The following PCDHGA8 variants were observed in gnomAD, a reference collection of about 807,000 sequenced individuals.
PCDHGA8 encodes protocadherin gamma-A8.
A neutral mutation model predicts 59.2 loss-of-function variants in PCDHGA8; 45 were observed. The ratio of observed to expected loss-of-function variants is 0.76; its 90% CI spans 0.60 to 0.98. The LOEUF is 0.98. Ranked by LOEUF, PCDHGA8 falls within the 50% of genes least tolerant of loss-of-function variation. The pLI, the probability that PCDHGA8 is intolerant of heterozygous loss-of-function variation, is 0.00. For missense variants in PCDHGA8, 1,257 were observed against 1,196.2 expected, an observed-to-expected ratio of 1.05 and a Z score of -0.75; for synonymous variants, 531 against 519.0, an observed-to-expected ratio of 1.02 and a Z score of -0.32.
chr5:141,410,737 C>A, intron 1 of PCDHGA8: 1 of 1,295,554 alleles, frequency 7.7e-7, no homozygotes, highest in East Asian at 2.5e-5. Context: ...TAGCTTTTTA[C>A]AATATTTTCT....
chr5:141,416,458 G>A (rs1391820726), intron 1 of PCDHGA8: 1 of 152,194 alleles, frequency 6.6e-6, no homozygotes, highest in Non-Finnish European at 1.5e-5. Flanking sequence ...TGGGAAGACA[G>A]ATAAATTTGT....
chr5:141,508,974 G>A (rs962653911), intron 3 of PCDHGA8, among the ~76,000 whole-genome samples: 2 of 152,128 alleles, frequency 1.3e-5, no homozygotes, highest in Non-Finnish European at 2.9e-5. Flanking sequence ...AAAGGGCTGG[G>A]GGTGGGGGCC....
chr5:141,404,628 C>T (rs1183309479), intron 1 of PCDHGA8: 2 of 1,614,100 alleles, frequency 1.2e-6, no homozygotes, highest in Non-Finnish European at 1.7e-6. Flanking sequence ...AATGACAATG[C>T]CCCAGAAATC....
In PCDHGA8 at chr5:141,419,061, A is replaced by G. The variant is rs747692559; in HGVS notation, c.2424+23824A>G. 5.0e-6 allele frequency: 8 copies of G among 1,613,964 alleles called. No homozygotes were observed. In the Admixed American group the frequency reaches 1.3e-4, roughly 27 times the overall value. ...AAGATTCATTCTTCTTCTAATAATT[A>G]CTACAAGCTAGTAACAGATGAGGCC... On this transcript the variant is annotated intron_variant, in intron 1 of 3. Transcript: ENST00000398604.
At position 141,487,991 on chromosome 5, in the gene PCDHGA8, G is replaced by C. The variant is rs932744807; in HGVS notation, c.2425-6816G>C. ...GCTGTTTTCTCTACTCTTCCTGAAA[G>C]AGGGGATCAGATTCTGAAGTACCTT... On this transcript the variant is annotated intron_variant, in intron 1 of 3. Coordinates refer to ENST00000398604, the MANE Select transcript of PCDHGA8 (RefSeq NM_032088.2). The surrounding 1 kb of genome is among the most constrained non-coding windows in gnomAD (Gnocchi z 5.0). 2.6e-5 allele frequency among the ~76,000 whole-genome samples: 4 copies of C among 152,194 alleles called. No homozygotes were observed. The highest frequency in any genetic ancestry group is 4.4e-5 in the Non-Finnish European group (3 of 68,030).
At chr5:141,504,182 C>A (rs2099836345) in intron 2 of PCDHGA8, among the ~76,000 whole-genome samples, 1 of 152,234 alleles carries the variant, frequency 6.6e-6, no homozygotes, top group Non-Finnish European at 1.5e-5. Context: ...TCAAAAAAAT[C>A]ATGAAAATTG....
rs1342408505 is a variant in PCDHGA8 at position 141,409,977 on chromosome 5, T to C, written c.2424+14740T>C. The C allele has an allele frequency of 1.2e-6, 2 of 1,613,300 alleles. No individual in the cohort carries two copies. Among genetic ancestry groups the C allele is most frequent in the African/African-American group, 2.7e-5 (2 of 75,026 alleles). ...CCCGGCTACCTAGTGACTAAGGTGGTAGCGGTGGACGCCGACTCGGGACAC... is the reference window on the plus strand; with the variant it reads ...CCCGGCTACCTAGTGACTAAGGTGGCAGCGGTGGACGCCGACTCGGGACAC... On this transcript the variant is annotated intron_variant, in intron 1 of 3. Transcript: ENST00000398604.
chr5:141,414,721 G>A (rs373261988), intron 1 of PCDHGA8: 29 of 1,614,004 alleles, frequency 1.8e-5, no homozygotes, highest in Middle Eastern at 1.6e-4. Flanking sequence ...CTCAGACACT[G>A]GCGTCCTGTA....
At chr5:141,473,902 G>C (rs1593464039) in intron 1 of PCDHGA8, among the ~76,000 whole-genome samples, 1 of 152,240 alleles carries the variant, frequency 6.6e-6, no homozygotes, top group South Asian at 2.1e-4. Context: ...GGTTCATGAA[G>C]AGGTCTTAAG....
intron 1 of PCDHGA8, among the ~76,000 whole-genome samples, chr5:141,436,162 G>A (rs1036923915): frequency 2.6e-5 from 4 of 152,142 alleles, no homozygotes; most frequent in African/African-American, 7.2e-5. Flanking sequence ...TTTATCATAT[G>A]GACAGTTCTC....
At chr5:141,414,904 A>G in intron 1 of PCDHGA8, 2 of 1,614,190 alleles carry the variant, frequency 1.2e-6, no homozygotes, top group Non-Finnish European at 1.7e-6. Context: ...AGACGGTTCC[A>G]CAGGCGTGGA....
chr5:141,456,353 G>A (rs1041991824), intron 1 of PCDHGA8, among the ~76,000 whole-genome samples: 2 of 152,120 alleles, frequency 1.3e-5, no homozygotes, highest in South Asian at 2.1e-4. Context: ...GAAGAATGGC[G>A]TCCATGTGTG....
At position 141,409,103 on chromosome 5, in the gene PCDHGA8, A is replaced by G. The variant is rs750657192; in HGVS notation, c.2424+13866A>G. The G allele has an allele frequency of 6.8e-6, 11 of 1,613,926 alleles. No individual in the cohort carries two copies. Among genetic ancestry groups the G allele is most frequent in the Non-Finnish European group, 9.3e-6 (11 of 1,179,900 alleles). On this transcript the variant is annotated intron_variant, in intron 1 of 3. Coordinates refer to ENST00000398604, the MANE Select transcript of PCDHGA8 (RefSeq NM_032088.2). ...CTCATTGGATGAGAAAACAGGTATG[A>G]TTAAGAATAACCAGTCATTTGATTT...
At chr5:141,460,883 C>T (rs371847673) in intron 1 of PCDHGA8, among the ~76,000 whole-genome samples, 2 of 149,996 alleles carry the variant, frequency 1.3e-5, no homozygotes, top group East Asian at 2.0e-4. Context: ...TATTTCATGC[C>T]TTTTCGTGGC....
At chr5:141,475,014 C>G (rs2099358221) in intron 1 of PCDHGA8, among the ~76,000 whole-genome samples, 1 of 152,202 alleles carries the variant, frequency 6.6e-6, no homozygotes, top group South Asian at 2.1e-4. Flanking sequence ...AAAGTTAAGG[C>G]TCTTTATTCT....
At chr5:141,413,129 A>G in intron 1 of PCDHGA8, 2 of 1,536,352 alleles carry the variant, frequency 1.3e-6, no homozygotes, top group East Asian at 2.3e-5. Context: ...GTTGAAACAC[A>G]CAACGTGTCC....
intron 1 of PCDHGA8, chr5:141,430,896 G>A: frequency 6.2e-7 from 1 of 1,606,012 alleles, no homozygotes; most frequent in Admixed American, 1.7e-5. Context: ...TCTAGGGTGG[G>A]CGACATCTCC....
Position 141,432,035 on chromosome 5 carries a change from G to T in PCDHGA8, c.2424+36798G>T. 1 of 1,614,218 alleles carries T rather than the reference G, an allele frequency of 6.2e-7. No homozygotes were observed. The highest frequency in any genetic ancestry group is 1.1e-5 in the South Asian group (1 of 91,066). On this transcript the variant is annotated intron_variant, in intron 1 of 3. Transcript: ENST00000398604. The surrounding 1 kb of genome is among the most constrained non-coding windows in gnomAD (Gnocchi z 6.0). ...CTACAACATCACAGTGACCGCCACT[G>T]ACCGGGGAACCCCGCCCCTATCCAC... is the stretch of plus-strand genomic sequence containing the variant.
At position 141,485,074 on chromosome 5, in the gene PCDHGA8, G is replaced by T. The variant is rs2099606548; in HGVS notation, c.2425-9733G>T. On this transcript the variant is annotated intron_variant, in intron 1 of 3. Transcript: ENST00000398604. The surrounding 1 kb of genome is among the most constrained non-coding windows in gnomAD (Gnocchi z 5.7). ...GGCCGAACCGCGCCAGAGCTGGCGCGGGGAAAGGGAGATAGGTGTCTCCAG... is the reference window on the plus strand; with the variant it reads ...GGCCGAACCGCGCCAGAGCTGGCGCTGGGAAAGGGAGATAGGTGTCTCCAG... The T allele has an allele frequency of 2.2e-6, 2 of 926,946 alleles. No homozygotes were observed. The highest frequency in any genetic ancestry group is 3.4e-6 in the Non-Finnish European group (2 of 596,630). 57.4% of individuals were successfully genotyped at this position (926,946 alleles called of 1,614,324 possible). A position where few individuals can be genotyped will look rare whatever the true frequency, so the allele number is the denominator to read the frequency against.
Sources: gnomAD v4.1 joint callset for allele counts (sites outside exome capture counted in the v4.1 genomes callset) on GRCh38, gnomAD v4.1.1 for gene constraint, Gnocchi (gnomAD v3.1) non-coding constraint, MANE v1.5 for transcripts, NCBI Gene and HGNC (gene_info 2026-07-23, HGNC 2026-07-21) for gene names.